CNBD1: variants seen among roughly 807,000 people sequenced by gnomAD.
The protein encoded by CNBD1 is cyclic nucleotide-binding domain-containing protein 1.
Under a neutral mutation model 54.4 loss-of-function variants are expected in CNBD1, and 71 were observed. The observed-to-expected ratio is 1.30, with a 90% CI of 1.08 to 1.59. The LOEUF is 1.59. Among genes scored for constraint, CNBD1 ranks in the 40% most tolerant of loss-of-function variants. CNBD1 has a pLI of 0.00. For synonymous variants in CNBD1, 182 were observed against 170.7 expected, an observed-to-expected ratio of 1.07 and a Z score of -0.51; for missense variants, 659 against 518.0, an observed-to-expected ratio of 1.27 and a Z score of -2.64.
intron 6 of CNBD1, among the ~76,000 whole-genome samples, chr8:87,244,039 T>C (rs1161875725): frequency 6.6e-6 from 1 of 152,186 alleles, no homozygotes; most frequent in Non-Finnish European, 1.5e-5. Context: ...AAGTTAAACA[T>C]GCGCACCCAT....
chr8:87,058,461 CAG>C (rs1324553628), intron 4 of CNBD1, among the ~76,000 whole-genome samples: 1 of 152,202 alleles, frequency 6.6e-6, no homozygotes, highest in Non-Finnish European at 1.5e-5. Context: ...ACTGCCCCAG[CAG>C]AGGTTTTCCA....
chr8:86,944,747 T>G (rs1305229358), intron 4 of CNBD1, among the ~76,000 whole-genome samples: 4 of 152,152 alleles, frequency 2.6e-5, no homozygotes, highest in African/African-American at 9.7e-5. Flanking sequence ...ATGAAGGGAT[T>G]TTAACCTTGG....
intron 2 of CNBD1, among the ~76,000 whole-genome samples, chr8:86,888,108 A>G (rs772581268): frequency 2.0e-5 from 3 of 152,018 alleles, no homozygotes; most frequent in Admixed American, 6.6e-5. Context: ...AAAACTGGTT[A>G]TTTCCTTCCA....
chr8:87,276,663 A>T (rs896196995), intron 6 of CNBD1, among the ~76,000 whole-genome samples: 1 of 151,884 alleles, frequency 6.6e-6, no homozygotes, highest in Admixed American at 6.6e-5. Flanking sequence ...TAAAAGCTGA[A>T]TAACACCAAA....
chr8:87,100,269 C>T (rs1263859616), intron 4 of CNBD1, among the ~76,000 whole-genome samples: 2 of 151,860 alleles, frequency 1.3e-5, no homozygotes, highest in Admixed American at 1.3e-4. Context: ...CTGTGGATAA[C>T]AAGAATAATA....
At chr8:87,020,753 A>G (rs1809471307) in intron 4 of CNBD1, among the ~76,000 whole-genome samples, 1 of 152,206 alleles carries the variant, frequency 6.6e-6, no homozygotes, top group Non-Finnish European at 1.5e-5. Flanking sequence ...GAAAGAATCC[A>G]CATTCTATAG....
intron 4 of CNBD1, among the ~76,000 whole-genome samples, chr8:86,992,507 A>G (rs1482458694): frequency 6.6e-6 from 1 of 152,038 alleles, no homozygotes; most frequent in Non-Finnish European, 1.5e-5. Context: ...TGATCCTATC[A>G]TCATGTTGTT....
chr8:87,284,039 A>T (rs190387805), intron 6 of CNBD1, among the ~76,000 whole-genome samples: 2 of 152,192 alleles, frequency 1.3e-5, no homozygotes, highest in Non-Finnish European at 2.9e-5. Flanking sequence ...TATCGACCTG[A>T]TGTTTTCCCT....
intron 6 of CNBD1, among the ~76,000 whole-genome samples, chr8:87,256,003 ATATATATATATATTTTTTT>A (rs1346583357): frequency 4.5e-4 from 8 of 17,942 alleles, no homozygotes; most frequent in Admixed American, 1.8e-3. Flanking sequence ...ATATATATAT[ATATATATATATATTTTTTT>A]TTTTTTTTTT....
chr8:87,083,238 T>C lies in CNBD1; in HGVS notation c.432-122755T>C, dbSNP rs141329560. Reference sequence around the variant, plus strand: ...AAAATGGCGCTACTAAGCCGTCCTTTGTGGGAACAAATTTGCACCTGTATA... The same window carrying C: ...AAAATGGCGCTACTAAGCCGTCCTTCGTGGGAACAAATTTGCACCTGTATA... On this transcript the variant is annotated intron_variant, in intron 4 of 10. Coordinates refer to ENST00000518476, the MANE Select transcript of CNBD1 (RefSeq NM_173538.3). Among the ~76,000 whole-genome samples, 85 of 152,320 alleles carry C rather than the reference T, an allele frequency of 5.6e-4. 1 individual carries two copies. In the East Asian group the frequency reaches 0.015, roughly 28 times the overall value.
rs926076342 is a variant in CNBD1 at position 87,337,218 on chromosome 8, G to T, written c.1043-14467G>T. Among the ~76,000 whole-genome samples the T allele has an allele frequency of 2.0e-5, 3 of 152,264 alleles. No homozygotes were observed. The South Asian group carries it at 6.2e-4, about 32-fold the overall frequency. On this transcript the variant is annotated intron_variant, in intron 8 of 10. Transcript: ENST00000518476. ...AGGACCCATTTAACAAGGCACTTTG[G>T]CTGTCCCTTGGTGGAGGGTGTTTGC...
rs570549057 is a variant in CNBD1, at chr8:86,896,379, G to A, written c.159-8702G>A. On this transcript the variant is annotated intron_variant, in intron 2 of 10. Transcript: ENST00000518476. ...AAGATTGCATTGAATCTGTATATTGGTTTGGATAATATGAACATTCTAACA... is the reference window on the plus strand; with the variant it reads ...AAGATTGCATTGAATCTGTATATTGATTTGGATAATATGAACATTCTAACA... Among the ~76,000 whole-genome samples, 18 of 152,172 alleles carry A rather than the reference G, an allele frequency of 1.2e-4. No homozygotes were observed. The South Asian group carries it at 3.7e-3, about 32-fold the overall frequency.
intron 4 of CNBD1, among the ~76,000 whole-genome samples, chr8:87,142,288 T>C (rs1387109351): frequency 6.6e-6 from 1 of 152,110 alleles, no homozygotes; most frequent in African/African-American, 2.4e-5. Context: ...TTGGGAATAA[T>C]CAGTAATGAA....
intron 4 of CNBD1, among the ~76,000 whole-genome samples, chr8:87,184,776 CAG>C (rs2130780616): frequency 6.6e-6 from 1 of 152,216 alleles, no homozygotes; most frequent in African/African-American, 2.4e-5. Context: ...AAGATCTATT[CAG>C]AGTCTGCTGG....
At position 87,275,159 on chromosome 8, in the gene CNBD1, C is replaced by T. The variant is rs2130861473; in HGVS notation, c.772-9519C>T. 1.4e-5 allele frequency among the ~76,000 whole-genome samples: 2 copies of T among 141,330 alleles called. 1 individual carries two copies. The highest frequency in any genetic ancestry group is 1.4e-4 in the Admixed American group (2 of 14,586). 92.7% of individuals were successfully genotyped at this position (141,330 alleles called of 152,430 possible). A position where few individuals can be genotyped will look rare whatever the true frequency, so the allele number is the denominator to read the frequency against. On this transcript the variant is annotated intron_variant, in intron 6 of 10. Transcript: ENST00000518476. ...TGTCTGTTTTGGTACCAGTACCATG[C>T]TGTTTTGGTTACCGTAGCCTTGTAG...
intron 8 of CNBD1, among the ~76,000 whole-genome samples, chr8:87,339,298 C>T (rs543648947): frequency 1.4e-4 from 22 of 152,208 alleles, no homozygotes; most frequent in African/African-American, 4.8e-4. Flanking sequence ...ATGGGTTCTC[C>T]CTGGAGTTTT....
intron 4 of CNBD1, among the ~76,000 whole-genome samples, chr8:87,150,381 T>G (rs1471820036): frequency 6.6e-6 from 1 of 152,202 alleles, no homozygotes; most frequent in Non-Finnish European, 1.5e-5. Flanking sequence ...GAATCCTAAA[T>G]AGTGTTTCAG....
intron 10 of CNBD1, among the ~76,000 whole-genome samples, chr8:87,378,688 A>T (rs901482005): frequency 6.6e-5 from 10 of 150,942 alleles, no homozygotes; most frequent in African/African-American, 2.5e-4. Flanking sequence ...CAATTCTGCG[A>T]AGAAAGGCAT....
intron 2 of CNBD1, among the ~76,000 whole-genome samples, chr8:87,411,631 C>T (rs185463298): frequency 6.7e-6 from 1 of 148,426 alleles, no homozygotes; most frequent in Non-Finnish European, 1.5e-5. Context: ...TCTTTTCTGG[C>T]ATAAGACATG....
Sources: gnomAD v4.1 joint callset for allele counts (sites outside exome capture counted in the v4.1 genomes callset) on GRCh38, gnomAD v4.1.1 for gene constraint, MANE v1.5 for transcripts, NCBI Gene and HGNC (gene_info 2026-07-23, HGNC 2026-07-21) for gene names.